Variants in RALGAPA2 observed in about 807,000 individuals in gnomAD.
The protein encoded by RALGAPA2 is ral GTPase-activating protein subunit alpha-2.
Under a neutral mutation model 230.4 loss-of-function variants are expected in RALGAPA2, and 139 were observed. The ratio of observed to expected loss-of-function variants is 0.60; its 90% confidence interval spans 0.53 to 0.69. The LOEUF (loss-of-function observed/expected upper bound fraction) is 0.69. Among genes scored for constraint, RALGAPA2 ranks in the 30% least tolerant of loss-of-function variants. The pLI, the probability that RALGAPA2 is intolerant of heterozygous loss-of-function variation, is 0.00. For synonymous variants in RALGAPA2, 847 were observed against 837.8 expected, an observed-to-expected ratio of 1.01 and a Z score of -0.19; for missense variants, 2,163 against 2,276.0, an observed-to-expected ratio of 0.95 and a Z score of 1.01.
In RALGAPA2 at chr20:20,664,129, T is replaced by G. The variant is rs1603222847; in HGVS notation, c.271-10542A>C. Among the ~76,000 whole-genome samples, 2 of 152,236 alleles carry G rather than the reference T, an allele frequency of 1.3e-5. 1 individual carries two copies. The highest frequency in any genetic ancestry group is 3.8e-4 in the East Asian group (2 of 5,200). On this transcript the variant is annotated intron_variant, in intron 3 of 39. Transcript: ENST00000202677. ...TTAAAACTTATGAATGGTTTATTTC[T>G]TTAATTTTCCATTTAATGTTTTTGG...
chr20:20,685,262 G>C (rs761768383), intron 1 of RALGAPA2, among the ~76,000 whole-genome samples: 4 of 152,114 alleles, frequency 2.6e-5, no homozygotes, highest in Non-Finnish European at 4.4e-5. Context: ...AAGAGAATAA[G>C]ACCCGAGGCC....
rs1022325431 is a variant in RALGAPA2 at position 20,630,766 on chromosome 20, T to C, written c.1006-1176A>G. On this transcript the variant is annotated intron_variant, in intron 9 of 39. Coordinates refer to ENST00000202677, the MANE Select transcript of RALGAPA2 (RefSeq NM_020343.4). ...ACTTGCTTCTCCACATTCCTAACTG[T>C]AAGGCAACCCACGCAACGCACTTGG... 9.9e-5 allele frequency among the ~76,000 whole-genome samples: 15 copies of C among 152,168 alleles called. 1 individual carries two copies. Among genetic ancestry groups the C allele is most frequent in the Non-Finnish European group, 2.2e-4 (15 of 68,020 alleles).
At chr20:20,393,835 A>AC (rs1162384812) in intron 39 of RALGAPA2, among the ~76,000 whole-genome samples, 9 of 152,018 alleles carry the variant, frequency 5.9e-5, no homozygotes, top group South Asian at 2.1e-4. Flanking sequence ...GCACATCTGC[A>AC]CCCCCCGCTT....
chr20:20,497,279 A>C (rs1011674402), intron 35 of RALGAPA2, among the ~76,000 whole-genome samples: 4 of 152,210 alleles, frequency 2.6e-5, no homozygotes, highest in African/African-American at 9.6e-5. Flanking sequence ...AGTCCTTTTG[A>C]AGTGAAAACA....
chr20:20,634,370 C>T (rs1348043108), intron 9 of RALGAPA2, among the ~76,000 whole-genome samples: 1 of 152,050 alleles, frequency 6.6e-6, no homozygotes, highest in East Asian at 1.9e-4. Flanking sequence ...ATTTTATTTG[C>T]TAATTTTTTA....
intron 1 of RALGAPA2, among the ~76,000 whole-genome samples, chr20:20,710,997 G>C (rs191835864): frequency 6.6e-6 from 1 of 152,302 alleles, no homozygotes; most frequent in East Asian, 1.9e-4. Context: ...TCTACAGGAA[G>C]TAGAAAATTC....
chr20:20,527,262 A>G (rs1394636558), intron 27 of RALGAPA2, among the ~76,000 whole-genome samples: 1 of 152,178 alleles, frequency 6.6e-6, no homozygotes, highest in Non-Finnish European at 1.5e-5. Flanking sequence ...GGAAGAAGAT[A>G]AGGGAAAGGT....
chr20:20,416,778 A>AGAGAAC (rs2057937545), intron 37 of RALGAPA2, among the ~76,000 whole-genome samples: 1 of 152,218 alleles, frequency 6.6e-6, no homozygotes, highest in African/African-American at 2.4e-5. Flanking sequence ...AAAGAAATAA[A>AGAGAAC]GAGAACTGTC....
At chr20:20,511,788 G>C (rs1454153993) in intron 32 of RALGAPA2, among the ~76,000 whole-genome samples, 1 of 152,120 alleles carries the variant, frequency 6.6e-6, no homozygotes, top group Non-Finnish European at 1.5e-5. Flanking sequence ...GTTGTATTAG[G>C]TCTATCTCCC....
At chr20:20,527,884 G>T (rs1427520834) in intron 27 of RALGAPA2, among the ~76,000 whole-genome samples, 2 of 152,156 alleles carry the variant, frequency 1.3e-5, no homozygotes, top group African/African-American at 2.4e-5. Flanking sequence ...GAGTCACCAG[G>T]TGGAAAGATA....
chr20:20,694,034 G>A (rs943162667), intron 1 of RALGAPA2, among the ~76,000 whole-genome samples: 1 of 152,064 alleles, frequency 6.6e-6, no homozygotes, highest in African/African-American at 2.4e-5. Flanking sequence ...AGCCTGGGAT[G>A]TGGAGGTTGC....
chr20:20,522,263 A>G (rs1399282181), intron 30 of RALGAPA2, among the ~76,000 whole-genome samples: 1 of 152,216 alleles, frequency 6.6e-6, no homozygotes, highest in Non-Finnish European at 1.5e-5. Context: ...AAAAAAAAAA[A>G]AAACCTTGAA....
chr20:20,581,672 T>C (rs797000796), intron 20 of RALGAPA2, among the ~76,000 whole-genome samples: 3 of 152,328 alleles, frequency 2.0e-5, no homozygotes, highest in African/African-American at 7.2e-5. Context: ...TATAGTATTA[T>C]TAGTCAAAAT....
At chr20:20,404,266 T>C (rs2059904324) in intron 38 of RALGAPA2, among the ~76,000 whole-genome samples, 1 of 152,232 alleles carries the variant, frequency 6.6e-6, no homozygotes, top group South Asian at 2.1e-4. Context: ...AGGGATTTTA[T>C]TCCTTCTGCT....
chr20:20,434,656 C>G (rs1169456427), intron 37 of RALGAPA2, among the ~76,000 whole-genome samples: 3 of 152,186 alleles, frequency 2.0e-5, no homozygotes, highest in African/African-American at 4.8e-5. Flanking sequence ...CTCTTAGAGG[C>G]TGGGAGCAGT....
intron 13 of RALGAPA2, among the ~76,000 whole-genome samples, chr20:20,611,765 G>C (rs2065982420): frequency 6.6e-6 from 1 of 152,146 alleles, no homozygotes; most frequent in Non-Finnish European, 1.5e-5. Context: ...AAACCTACTG[G>C]AACATATGCA....
At chr20:20,513,769 G>C (rs963696332) in intron 31 of RALGAPA2, among the ~76,000 whole-genome samples, 8 of 152,220 alleles carry the variant, frequency 5.3e-5, no homozygotes, top group Non-Finnish European at 1.0e-4. Flanking sequence ...CTGGGACTGA[G>C]AGACAGGAGC....
intron 1 of RALGAPA2, among the ~76,000 whole-genome samples, chr20:20,696,969 C>G (rs2146957202): frequency 6.6e-6 from 1 of 152,262 alleles, no homozygotes; most frequent in East Asian, 1.9e-4. Flanking sequence ...CTCCTGGCCT[C>G]AAGCAATCCA....
chr20:20,538,789 GA>G (rs992384736), intron 24 of RALGAPA2, among the ~76,000 whole-genome samples: 28 of 152,200 alleles, frequency 1.8e-4, no homozygotes, highest in African/African-American at 6.7e-4. Context: ...AGAGAGAAGT[GA>G]TGACAGAGGT....
Sources: allele counts gnomAD v4.1 joint callset (sites outside exome capture counted in the v4.1 genomes callset), GRCh38; gene constraint gnomAD v4.1.1; transcripts MANE v1.5; gene names NCBI Gene and HGNC (gene_info 2026-07-23, HGNC 2026-07-21).